The following GPC5 variants were observed in gnomAD, a reference collection of about 807,000 sequenced individuals.
GPC5 encodes glypican 5, also known as glypican-5.
Under a neutral mutation model 53.9 loss-of-function variants are expected in GPC5, and 47 were observed. The ratio of observed to expected loss-of-function variants is 0.87; its 90% confidence interval spans 0.69 to 1.11. GPC5 has a LOEUF of 1.11. Among genes scored for constraint, GPC5 ranks in the 50% most tolerant of loss-of-function variants. The probability of loss-of-function intolerance (pLI) is 0.00; values close to 1 mark genes in which losing one functional copy is unlikely to be tolerated. For synonymous variants in GPC5, 286 were observed against 263.3 expected (o/e 1.09, Z -0.84); for missense variants, 748 against 713.1 (o/e 1.05, Z -0.56).
chr13:92,808,282 A>T (rs1025867819), intron 7 of GPC5, among the ~76,000 whole-genome samples: 1 of 152,168 alleles, frequency 6.6e-6, no homozygotes, highest in African/African-American at 2.4e-5. Flanking sequence ...AAACTTAAAC[A>T]CACAAGTGTA....
chr13:92,662,769 A>G, intron 7 of GPC5, among the ~76,000 whole-genome samples: 1 of 152,142 alleles, frequency 6.6e-6, no homozygotes, highest in East Asian at 1.9e-4. Flanking sequence ...GTAGCTCTAA[A>G]GTTTAGTTTA....
intron 7 of GPC5, among the ~76,000 whole-genome samples, chr13:92,622,049 C>T (rs893802648): frequency 3.3e-5 from 5 of 152,188 alleles, no homozygotes; most frequent in African/African-American, 9.7e-5. Flanking sequence ...CATGTCCATT[C>T]TCTATCTGGT....
chr13:92,353,741 A>G lies in GPC5; in HGVS notation c.1561+208752A>G, dbSNP rs115956469. On this transcript the variant is annotated intron_variant, in intron 7 of 7. Coordinates refer to ENST00000377067, the MANE Select transcript of GPC5 (RefSeq NM_004466.6). ...TTGAGGTTCAAAAATAAATGATTAC[A>G]GCCTTAGCAATTTTAGGGGATGGCT... Among the ~76,000 whole-genome samples the G allele has an allele frequency of 6.6e-3, 1,006 of 152,318 alleles. 18 individuals carry two copies. The highest frequency in any genetic ancestry group is 0.023 in the African/African-American group (951 of 41,574).
intron 5 of GPC5, among the ~76,000 whole-genome samples, chr13:91,793,303 C>T (rs1428571651): frequency 1.3e-5 from 2 of 152,136 alleles, no homozygotes; most frequent in African/African-American, 4.8e-5. Context: ...GGGGAAAAAC[C>T]GCCCCCATGA....
intron 6 of GPC5, among the ~76,000 whole-genome samples, chr13:92,101,146 A>C (rs1371617024): frequency 6.6e-6 from 1 of 152,152 alleles, no homozygotes; most frequent in Non-Finnish European, 1.5e-5. Flanking sequence ...TAAAACATCA[A>C]ATGAGAAACA....
chr13:91,963,947 G>A (rs937547922), intron 6 of GPC5, among the ~76,000 whole-genome samples: 3 of 152,182 alleles, frequency 2.0e-5, no homozygotes, highest in Admixed American at 6.5e-5. Context: ...CATTGTGGAA[G>A]ACAGTGTGGG....
chr13:91,903,092 A>T (rs543902457), intron 5 of GPC5, among the ~76,000 whole-genome samples: 6 of 151,554 alleles, frequency 4.0e-5, no homozygotes, highest in African/African-American at 1.5e-4. Context: ...AGGAAACTTG[A>T]TATTATTTCT....
intron 2 of GPC5, among the ~76,000 whole-genome samples, chr13:91,691,891 A>T (rs1481894379): frequency 1.3e-5 from 2 of 152,208 alleles, no homozygotes; most frequent in Non-Finnish European, 2.9e-5. Context: ...ATTAAAAGTG[A>T]CTATACGGTT....
chr13:91,947,736 T>G (rs1037845980), intron 6 of GPC5, among the ~76,000 whole-genome samples: 11 of 152,210 alleles, frequency 7.2e-5, no homozygotes, highest in African/African-American at 2.2e-4. Context: ...CTATTTATTT[T>G]GCTTCCAATT....
intron 7 of GPC5, among the ~76,000 whole-genome samples, chr13:92,846,577 C>A (rs1370428293): frequency 6.6e-6 from 1 of 152,148 alleles, no homozygotes; most frequent in Non-Finnish European, 1.5e-5. Context: ...ATAGCAACAT[C>A]CCAGATCTTG....
intron 6 of GPC5, among the ~76,000 whole-genome samples, chr13:92,123,105 T>C (rs1262239560): frequency 6.6e-6 from 1 of 152,134 alleles, no homozygotes; most frequent in Non-Finnish European, 1.5e-5. Flanking sequence ...ATTGTCATGA[T>C]AGAAGTTATT....
intron 2 of GPC5, among the ~76,000 whole-genome samples, chr13:91,642,118 A>G (rs2034444963): frequency 6.6e-6 from 1 of 151,912 alleles, no homozygotes. Flanking sequence ...GATATTTGGT[A>G]AAAAATTTAG....
intron 7 of GPC5, among the ~76,000 whole-genome samples, chr13:92,454,481 T>C (rs1878186539): frequency 1.3e-5 from 2 of 152,226 alleles, no homozygotes; most frequent in Admixed American, 6.5e-5. Context: ...TACAGCAAAG[T>C]AGAATAACAC....
intron 7 of GPC5, among the ~76,000 whole-genome samples, chr13:92,468,244 T>G (rs1878777747): frequency 6.6e-6 from 1 of 152,086 alleles, no homozygotes; most frequent in Non-Finnish European, 1.5e-5. Context: ...AAGCTATTGC[T>G]TCCCTTCAAG....
At chr13:91,599,130 G>A (rs528265509) in intron 2 of GPC5, among the ~76,000 whole-genome samples, 22 of 151,974 alleles carry the variant, frequency 1.4e-4, no homozygotes, top group South Asian at 6.2e-4. Flanking sequence ...TGTATTCATC[G>A]CTTGACTAGA....
intron 7 of GPC5, among the ~76,000 whole-genome samples, chr13:92,797,869 A>AT (rs1226396542): frequency 1.4e-5 from 2 of 140,610 alleles, no homozygotes; most frequent in African/African-American, 5.3e-5. Flanking sequence ...AGATAGATAG[A>AT]TGATAGATGA....
intron 6 of GPC5, among the ~76,000 whole-genome samples, chr13:92,040,543 C>T (rs553466161): frequency 7.2e-5 from 11 of 152,200 alleles, no homozygotes; most frequent in South Asian, 2.1e-4. Context: ...AAAAATAAAC[C>T]GGGTGGAATG....
intron 7 of GPC5, among the ~76,000 whole-genome samples, chr13:92,659,990 A>G (rs1267722839): frequency 1.3e-5 from 2 of 152,216 alleles, no homozygotes; most frequent in Non-Finnish European, 2.9e-5. Context: ...CATCACTGTT[A>G]GCCCTCTAGA....
intron 6 of GPC5, among the ~76,000 whole-genome samples, chr13:92,109,445 C>T (rs2041538878): frequency 1.3e-5 from 2 of 152,140 alleles, no homozygotes; most frequent in South Asian, 2.1e-4. Context: ...TCTATTCAAA[C>T]TCTTTCCTTC....
Sources: allele counts gnomAD v4.1 joint callset (sites outside exome capture counted in the v4.1 genomes callset), GRCh38; gene constraint gnomAD v4.1.1; transcripts MANE v1.5; gene names NCBI Gene and HGNC (gene_info 2026-07-23, HGNC 2026-07-21).